IL1RAPL1: variants seen among roughly 807,000 people sequenced by gnomAD.
The protein encoded by IL1RAPL1 is interleukin 1 receptor accessory protein like 1.
IL1RAPL1 carries 3 observed loss-of-function variants against 48.4 expected under a neutral mutation model. The observed-to-expected ratio is 0.06, with a 90% confidence interval of 0.03 to 0.16. The LOEUF (loss-of-function observed/expected upper bound fraction) is 0.16, where lower values mean the gene tolerates loss of function less well. Among genes scored for constraint, IL1RAPL1 ranks in the 10% least tolerant of loss-of-function variants. The pLI, the probability that IL1RAPL1 is intolerant of heterozygous loss-of-function variation, is 1.00. For synonymous variants in IL1RAPL1, 185 were observed against 187.7 expected, an observed-to-expected ratio of 0.99 and a Z score of 0.12; for missense variants, 349 against 530.6, an observed-to-expected ratio of 0.66 and a Z score of 3.36.
intron 2 of IL1RAPL1, among the ~76,000 whole-genome samples, chrX:28,863,436 T>C (rs1260920902): frequency 9.7e-6 from 1 of 102,682 alleles, no homozygotes; most frequent in Admixed American, 1.0e-4. Flanking sequence ...TTTTTTTTTC[T>C]TGTCAATCCT....
At position 28,828,790 on chromosome X, in the gene IL1RAPL1, A is replaced by T. The variant is rs191206732; in HGVS notation, c.82+39365A>T. On this transcript the variant is annotated intron_variant, in intron 2 of 10. Coordinates refer to ENST00000378993, the MANE Select transcript of IL1RAPL1 (RefSeq NM_014271.4). ...TGAAATTGGGAAATATGAGTCCTCC[A>T]GTTTTGTTCGGGTTTTCAAGATTGT... Among the ~76,000 whole-genome samples, 5 of 111,769 alleles carry T rather than the reference A, an allele frequency of 4.5e-5. No individual in the cohort carries two copies. In the Admixed American group the frequency reaches 4.8e-4, roughly 11 times the overall value.
At chrX:29,868,281 C>T (rs905466195) in intron 6 of IL1RAPL1, among the ~76,000 whole-genome samples, 5 of 112,324 alleles carry the variant, frequency 4.5e-5, no homozygotes, top group African/African-American at 1.6e-4. Context: ...CAATTCTCGA[C>T]GTTAAGCGTC....
intron 5 of IL1RAPL1, among the ~76,000 whole-genome samples, chrX:29,548,553 A>G (rs1446501943): frequency 8.9e-6 from 1 of 112,218 alleles, no homozygotes; most frequent in Non-Finnish European, 1.9e-5. Flanking sequence ...TATAACTAAT[A>G]TATGTTTTTA....
At chrX:29,191,639 T>A (rs951418681) in intron 2 of IL1RAPL1, among the ~76,000 whole-genome samples, 4 of 111,570 alleles carry the variant, frequency 3.6e-5, no homozygotes, top group African/African-American at 9.8e-5. Flanking sequence ...GATTAGAGTG[T>A]GGGGAGGGAA....
At chrX:29,338,174 CTGAGT>C (rs1215840581) in intron 3 of IL1RAPL1, among the ~76,000 whole-genome samples, 4 of 110,609 alleles carry the variant, frequency 3.6e-5, no homozygotes, top group Non-Finnish European at 7.5e-5. Flanking sequence ...GAATTGTCGG[CTGAGT>C]TAACTATAAA....
rs749776450 is a variant in IL1RAPL1 at position 29,339,826 on chromosome X, C to G, written c.363-56432C>G. Among the ~76,000 whole-genome samples the G allele has an allele frequency of 4.5e-5, 5 of 112,092 alleles. No homozygotes were observed. In the South Asian group the frequency reaches 1.9e-3, roughly 42 times the overall value. ...ATCAATAGGCTAACCTTGGCTGTGA[C>G]AGTTTTTCAGATTTTCCTTGTTTTT... On this transcript the variant is annotated intron_variant, in intron 3 of 10. Transcript: ENST00000378993.
intron 2 of IL1RAPL1, among the ~76,000 whole-genome samples, chrX:29,171,268 G>A (rs1018292631): frequency 1.8e-5 from 2 of 111,876 alleles, no homozygotes; most frequent in Non-Finnish European, 3.8e-5. Context: ...GATTACAGGC[G>A]TGAGCCACTG....
At chrX:28,590,244 A>G (rs1174132794) in intron 1 of IL1RAPL1, among the ~76,000 whole-genome samples, 1 of 111,515 alleles carries the variant, frequency 9.0e-6, no homozygotes, top group Non-Finnish European at 1.9e-5. Flanking sequence ...GAATCACCTT[A>G]TTATCTAGTT....
At chrX:29,539,469 A>G (rs1348416796) in intron 5 of IL1RAPL1, among the ~76,000 whole-genome samples, 1 of 111,359 alleles carries the variant, frequency 9.0e-6, no homozygotes, top group Non-Finnish European at 1.9e-5. Context: ...GAACAAGACA[A>G]GGATGCCCCC....
chrX:29,427,325 C>A (rs754142844), intron 5 of IL1RAPL1, among the ~76,000 whole-genome samples: 1 of 112,195 alleles, frequency 8.9e-6, no homozygotes, highest in Non-Finnish European at 1.9e-5. Flanking sequence ...TGTGACAAAC[C>A]CTATTGGTTC....
chrX:29,670,282 A>T (rs1926107738), intron 6 of IL1RAPL1, among the ~76,000 whole-genome samples: 1 of 111,910 alleles, frequency 8.9e-6, no homozygotes, highest in Non-Finnish European at 1.9e-5. Context: ...AATTAAAAAT[A>T]TGGAAATTTC....
rs1008951119 is a variant in IL1RAPL1 at position 28,814,631 on chromosome X, G to A, written c.82+25206G>A. Reference sequence around the variant, plus strand: ...TGTCTTGATTGTCTTAATCCATTCTGACCATCTCTATTTTTTAATTGGTAT... The same window carrying A: ...TGTCTTGATTGTCTTAATCCATTCTAACCATCTCTATTTTTTAATTGGTAT... On this transcript the variant is annotated intron_variant, in intron 2 of 10. Transcript: ENST00000378993. Among the ~76,000 whole-genome samples, 3 of 110,161 alleles carry A rather than the reference G, an allele frequency of 2.7e-5. No homozygotes were observed. The Admixed American group carries it at 2.9e-4, about 11-fold the overall frequency.
intron 5 of IL1RAPL1, among the ~76,000 whole-genome samples, chrX:29,434,730 C>T (rs1200540911): frequency 9.0e-6 from 1 of 110,707 alleles, no homozygotes; most frequent in Non-Finnish European, 1.9e-5. Flanking sequence ...TTTCATTATA[C>T]CTTACAGAGT....
intron 5 of IL1RAPL1, among the ~76,000 whole-genome samples, chrX:29,484,792 G>A (rs1300828000): frequency 4.5e-5 from 5 of 111,773 alleles, no homozygotes; most frequent in African/African-American, 9.8e-5. Flanking sequence ...AAGACAGAAC[G>A]CAAAGCAAAT....
chrX:29,653,985 C>T (rs1925598649), intron 5 of IL1RAPL1, among the ~76,000 whole-genome samples: 1 of 106,291 alleles, frequency 9.4e-6, no homozygotes, highest in African/African-American at 3.4e-5. Flanking sequence ...TGTTTGTTTT[C>T]AGTCTGCCTT....
At chrX:29,356,990 CT>C (rs1162408030) in intron 3 of IL1RAPL1, among the ~76,000 whole-genome samples, 1 of 111,687 alleles carries the variant, frequency 9.0e-6, no homozygotes, top group Non-Finnish European at 1.9e-5. Flanking sequence ...ATTCTAGTCA[CT>C]ATTACTCTGC....
chrX:29,114,579 AT>A (rs1202309432), intron 2 of IL1RAPL1, among the ~76,000 whole-genome samples: 8 of 107,109 alleles, frequency 7.5e-5, no homozygotes, highest in African/African-American at 1.7e-4. Flanking sequence ...CTGCCCATTT[AT>A]TTTTTTTTCT....
intron 3 of IL1RAPL1, among the ~76,000 whole-genome samples, chrX:29,292,592 CATTT>C (rs1314098049): frequency 9.0e-6 from 1 of 111,625 alleles, no homozygotes; most frequent in East Asian, 2.8e-4. Context: ...AAGCCTTAAA[CATTT>C]ATGCCATAAG....
intron 2 of IL1RAPL1, among the ~76,000 whole-genome samples, chrX:29,090,697 C>T (rs1324751166): frequency 8.9e-6 from 1 of 111,834 alleles, no homozygotes; most frequent in Non-Finnish European, 1.9e-5. Context: ...AAAGCCAGAA[C>T]TCTTCTCTAC....
Sources: allele counts gnomAD v4.1 joint callset (sites outside exome capture counted in the v4.1 genomes callset), GRCh38; gene constraint gnomAD v4.1.1; transcripts MANE v1.5; gene names NCBI Gene and HGNC (gene_info 2026-07-23, HGNC 2026-07-21).